Variants in POU6F1 observed in about 807,000 individuals in gnomAD.
The protein encoded by POU6F1 is POU class 6 homeobox 1.
Under a neutral mutation model 28.9 loss-of-function variants are expected in POU6F1, and 9 were observed. The observed-to-expected ratio is 0.31, with a 90% CI of 0.19 to 0.54. The LOEUF is 0.54. POU6F1 is among the 20% of genes least tolerant of loss of function. The probability of loss-of-function intolerance (pLI) is 0.94; values close to 1 mark genes in which losing one functional copy is unlikely to be tolerated. For synonymous variants in POU6F1, 173 were observed against 171.1 expected, an observed-to-expected ratio of 1.01 and a Z score of -0.09; for missense variants, 338 against 426.1, an observed-to-expected ratio of 0.79 and a Z score of 1.82.
intron 1 of POU6F1, among the ~76,000 whole-genome samples, chr12:51,215,400 CAAAA>C (rs1944231894): frequency 4.0e-5 from 6 of 151,462 alleles, no homozygotes; most frequent in Non-Finnish European, 7.4e-5. Context: ...ACTGAAAATA[CAAAA>C]ATTAGCCAGG....
chr12:51,192,771 G>A (rs528980991), intron 8 of POU6F1, among the ~76,000 whole-genome samples: 11 of 152,274 alleles, frequency 7.2e-5, no homozygotes, highest in African/African-American at 2.6e-4. Flanking sequence ...TGGGCATGGT[G>A]GTGGGTGCCT....
rs546083846 is a variant in POU6F1 at position 51,212,507 on chromosome 12, G to A, written c.-48+5135C>T. 1.5e-4 allele frequency among the ~76,000 whole-genome samples: 23 copies of A among 151,668 alleles called. No individual in the cohort carries two copies. The South Asian group carries it at 4.8e-3, about 32-fold the overall frequency. ...AAGAAATCTATAGTCCAGGCCGGGCGTGGTGGTTCTTGCCTGTAATCCCGG... is the reference window on the plus strand; with the variant it reads ...AAGAAATCTATAGTCCAGGCCGGGCATGGTGGTTCTTGCCTGTAATCCCGG... On this transcript the variant is annotated intron_variant, in intron 1 of 10. Coordinates refer to ENST00000333640, the MANE Select transcript of POU6F1 (RefSeq NM_001330422.2).
rs1032232865 is a variant in POU6F1 at position 51,217,640 on chromosome 12, A to AC, written c.-48+1dup. ...CTCCCCGCCCCGGACCCCGCTACTT[A>AC]CCGGAGCCCGAGCCCGAGCCGCCTT... On this transcript the variant is annotated splice_donor_variant, in intron 1 of 10. Coordinates refer to ENST00000333640, the MANE Select transcript of POU6F1 (RefSeq NM_001330422.2). LOFTEE classifies it low-confidence loss of function (5UTR_SPLICE). This position sits in a 1 kb window ranked among gnomAD's most constrained non-coding sequence, Gnocchi z 5.3. 57 of 148,572 alleles carry AC rather than the reference A, an allele frequency of 3.8e-4. No individual in the cohort carries two copies. Among genetic ancestry groups the AC allele is most frequent in the African/African-American group, 1.4e-3 (55 of 40,000 alleles). The allele number at this position is 148,572 out of a possible 1,614,324, so 9.2% of individuals were successfully genotyped here.
chr12:51,198,459 G>A (rs1022614425), intron 5 of POU6F1, 91 bp downstream of exon 5: 3 of 398,596 alleles, frequency 7.5e-6, no homozygotes, highest in Admixed American at 4.4e-5. Context: ...TGGGTGGGCC[G>A]TGGGTTCTGA....
rs537045440 is a variant in POU6F1, at chr12:51,208,271, G to A, written c.-47-1388C>T. Reference sequence around the variant, plus strand: ...AGTGAGCAGTGAGTGGTGCACTCCAGCCTGGGTTACAGAACCAGACCCTGT... The same window carrying A: ...AGTGAGCAGTGAGTGGTGCACTCCAACCTGGGTTACAGAACCAGACCCTGT... On this transcript the variant is annotated intron_variant, in intron 1 of 10. Coordinates refer to ENST00000333640, the MANE Select transcript of POU6F1 (RefSeq NM_001330422.2). Among the ~76,000 whole-genome samples the A allele has an allele frequency of 8.5e-5, 13 of 152,262 alleles. No homozygotes were observed. The East Asian group carries it at 2.3e-3, about 27-fold the overall frequency.
chr12:51,195,510 TA>T (rs67531434), intron 8 of POU6F1, among the ~76,000 whole-genome samples: 126,082 of 152,098 alleles, frequency 0.83, 52,446 homozygotes, highest in East Asian at 0.89. Flanking sequence ...GCACTTGGAA[TA>T]ATAGTAGGCA....
intron 7 of POU6F1, among the ~76,000 whole-genome samples, chr12:51,196,506 T>C (rs1671371254): frequency 6.6e-6 from 1 of 152,198 alleles, no homozygotes; most frequent in Non-Finnish European, 1.5e-5. Context: ...CTAATAGATT[T>C]GTACTCCAAA....
chr12:51,201,539 A>AAC (rs1008787770), intron 3 of POU6F1: 3 of 95,710 alleles, frequency 3.1e-5, no homozygotes, highest in Non-Finnish European at 5.7e-5. Context: ...TGAGTTAAAA[A>AAC]AAAAACAAAA....
At chr12:51,216,233 G>A (rs1244265418) in intron 1 of POU6F1, among the ~76,000 whole-genome samples, 1 of 152,188 alleles carries the variant, frequency 6.6e-6, no homozygotes, top group Non-Finnish European at 1.5e-5. Flanking sequence ...TTTATGGTGA[G>A]TAAATCTTGG....
At position 51,217,325 on chromosome 12, in the gene POU6F1, G is replaced by C. The variant is rs1944336744; in HGVS notation, c.-48+317C>G. 6.6e-6 allele frequency among the ~76,000 whole-genome samples: 1 copy of C among 152,102 alleles called. No individual in the cohort carries two copies. The highest frequency in any genetic ancestry group is 1.5e-5 in the Non-Finnish European group (1 of 68,016). On this transcript the variant is annotated intron_variant, in intron 1 of 10. Coordinates refer to ENST00000333640, the MANE Select transcript of POU6F1 (RefSeq NM_001330422.2). The surrounding 1 kb of genome is among the most constrained non-coding windows in gnomAD (Gnocchi z 5.3). Reference sequence around the variant, plus strand: ...AGGGGCAGAAACGGGGAGGGGCCAGGTCGGGGTTCCCCACCGGGTCCACCT... The same window carrying C: ...AGGGGCAGAAACGGGGAGGGGCCAGCTCGGGGTTCCCCACCGGGTCCACCT...
intron 8 of POU6F1, among the ~76,000 whole-genome samples, chr12:51,194,304 G>A (rs1942656509): frequency 6.6e-6 from 1 of 152,086 alleles, no homozygotes. Flanking sequence ...TGGGATTACA[G>A]GCCTGAGCCA....
At chr12:51,203,178 T>C (rs1943342061) in intron 3 of POU6F1, among the ~76,000 whole-genome samples, 1 of 152,156 alleles carries the variant, frequency 6.6e-6, no homozygotes, top group African/African-American at 2.4e-5. Context: ...AAGATCCATT[T>C]CTGAGAGCGA....
chr12:51,215,520 C>A (rs1944240455), intron 1 of POU6F1, among the ~76,000 whole-genome samples: 1 of 138,238 alleles, frequency 7.2e-6, no homozygotes, highest in African/African-American at 2.7e-5. Flanking sequence ...CGCGCCACTG[C>A]ACTCCAGACT....
chr12:51,211,586 T>A (rs113665767), intron 1 of POU6F1, among the ~76,000 whole-genome samples: 38 of 151,928 alleles, frequency 2.5e-4, no homozygotes, highest in African/African-American at 8.2e-4. Flanking sequence ...CTACAAAAAA[T>A]TGAAAAAATA....
chr12:51,197,671 C>CG lies in POU6F1; in HGVS notation c.846+98dup, dbSNP rs201108082. ...TGATGTGTTGGAAAAGGGCTGTTTT[C>CG]GGGGGGGGCTCGTCCTCCACTGTGG... On this transcript the variant is annotated intron_variant, in intron 6 of 10. Transcript: ENST00000333640. 3,177 of 396,182 alleles carry CG rather than the reference C, an allele frequency of 8.0e-3. 47 individuals carry two copies. The highest frequency in any genetic ancestry group is 0.041 in the South Asian group (299 of 7,246). The allele number at this position is 396,182 out of a possible 1,614,324, so 24.5% of individuals were successfully genotyped here.
chr12:51,194,050 G>T (rs755596149), intron 8 of POU6F1, among the ~76,000 whole-genome samples: 4 of 151,704 alleles, frequency 2.6e-5, no homozygotes, highest in Non-Finnish European at 4.4e-5. Flanking sequence ...TTTTTGAGAC[G>T]GAGTCTCACT....
intron 5 of POU6F1, 35 bp downstream of exon 5, chr12:51,198,515 G>T (rs1943001984): frequency 2.5e-6 from 1 of 398,896 alleles, no homozygotes; most frequent in Non-Finnish European, 4.4e-6. Context: ...AGAGGGTGGG[G>T]GGCCTGGTGC....
rs534854775 is a variant in POU6F1, at chr12:51,187,568, A to C, written c.*2679T>G. The C allele has an allele frequency of 6.6e-6, 1 of 152,320 alleles. No individual in the cohort carries two copies. Among genetic ancestry groups the C allele is most frequent in the Admixed American group, 6.5e-5 (1 of 15,292 alleles). 9.4% of individuals were successfully genotyped at this position (152,320 alleles called of 1,614,324 possible). On this transcript the variant is annotated 3_prime_UTR_variant, in exon 11 of 11. Coordinates refer to ENST00000333640, the MANE Select transcript of POU6F1 (RefSeq NM_001330422.2). The stretch of plus-strand genomic sequence containing the variant: ...GCTGTGCTTTGGGTAAACCTCAGGG[A>C]CACCCTGCACCCCCATGCCTGGGGA...
At position 51,214,976 on chromosome 12, in the gene POU6F1, A is replaced by T. The variant is rs899520179; in HGVS notation, c.-48+2666T>A. On this transcript the variant is annotated intron_variant, in intron 1 of 10. Transcript: ENST00000333640. ...GAACCTGTCTCAAAAAAGAAAAAAA[A>T]AAGAAATGTGAAAAATGAAAAGTAG... Among the ~76,000 whole-genome samples, 9 of 152,264 alleles carry T rather than the reference A, an allele frequency of 5.9e-5. No homozygotes were observed. In the East Asian group the frequency reaches 1.7e-3, roughly 29 times the overall value.
Sources: gnomAD v4.1 joint callset for allele counts (sites outside exome capture counted in the v4.1 genomes callset) on GRCh38, gnomAD v4.1.1 for gene constraint, Gnocchi (gnomAD v3.1) non-coding constraint, MANE v1.5 for transcripts, NCBI Gene and HGNC (gene_info 2026-07-23, HGNC 2026-07-21) for gene names.